The following APBB2 variants were observed in gnomAD, a reference collection of about 807,000 sequenced individuals.
The protein encoded by APBB2 is Fe65-like 1.
In APBB2, 38 loss-of-function variants were observed where a neutral mutation model predicts 82.5. The ratio of observed to expected loss-of-function variants is 0.46; its 90% CI spans 0.36 to 0.60. The LOEUF is 0.60. APBB2 is among the 20% of genes least tolerant of loss of function. The pLI is 0.00. For synonymous variants in APBB2, 341 were observed against 368.2 expected, an observed-to-expected ratio of 0.93 and a Z score of 0.85; for missense variants, 772 against 972.3, an observed-to-expected ratio of 0.79 and a Z score of 2.74.
intron 1 of APBB2, among the ~76,000 whole-genome samples, chr4:41,195,051 T>G: frequency 6.6e-6 from 1 of 152,060 alleles, no homozygotes; most frequent in South Asian, 2.1e-4. Flanking sequence ...TCAAGCCCCC[T>G]TTGCTAGCTC....
chr4:41,161,250 C>T (rs530475710), intron 1 of APBB2, among the ~76,000 whole-genome samples: 9 of 148,562 alleles, frequency 6.1e-5, no homozygotes, highest in African/African-American at 2.2e-4. Flanking sequence ...GAAACCATGA[C>T]TTTCATAGAC....
At chr4:41,181,970 A>G (rs1184617591) in intron 1 of APBB2, among the ~76,000 whole-genome samples, 1 of 151,958 alleles carries the variant, frequency 6.6e-6, no homozygotes, top group Admixed American at 6.6e-5. Flanking sequence ...AAGAAAAAGA[A>G]AAAAGAAAGG....
intron 1 of APBB2, among the ~76,000 whole-genome samples, chr4:41,148,486 T>C (rs912620288): frequency 3.3e-5 from 5 of 152,196 alleles, no homozygotes; most frequent in Admixed American, 6.5e-5. Context: ...AAGCACTATA[T>C]TCATCCAACA....
chr4:41,089,391 A>G (rs1306961120), intron 3 of APBB2, among the ~76,000 whole-genome samples: 2 of 152,202 alleles, frequency 1.3e-5, no homozygotes, highest in Non-Finnish European at 2.9e-5. Flanking sequence ...TAGCACTCAA[A>G]AAGTGTCAGA....
At chr4:41,124,861 C>A (rs1188826348) in intron 2 of APBB2, among the ~76,000 whole-genome samples, 1 of 152,156 alleles carries the variant, frequency 6.6e-6, no homozygotes, top group Non-Finnish European at 1.5e-5. Flanking sequence ...ACCTAAGTAC[C>A]TTCAATCTGC....
In APBB2 at chr4:40,813,642, C is replaced by T. The variant is rs1744889056; in HGVS notation, c.*2450G>A. 1.3e-5 allele frequency: 2 copies of T among 152,162 alleles called. No homozygotes were observed. Among genetic ancestry groups the T allele is most frequent in the African/African-American group, 2.4e-5 (1 of 41,436 alleles). 9.4% of individuals were successfully genotyped at this position (152,162 alleles called of 1,614,324 possible). A position where few individuals can be genotyped will look rare whatever the true frequency, so the allele number is the denominator to read the frequency against. On this transcript the variant is annotated 3_prime_UTR_variant, in exon 18 of 18. Coordinates refer to ENST00000508593, the MANE Select transcript of APBB2 (RefSeq NM_004307.2). ...AAGGCTATCATTCATCTTAATGCAT[C>T]CTATAATTGCACATATAAATCAGTT...
In APBB2 at chr4:41,066,692, G is replaced by A. The variant is rs148624747; in HGVS notation, c.-148-1019C>T. 2.2e-4 allele frequency among the ~76,000 whole-genome samples: 33 copies of A among 152,336 alleles called. No individual in the cohort carries two copies. In the East Asian group the frequency reaches 5.8e-3, roughly 27 times the overall value. On this transcript the variant is annotated intron_variant, in intron 3 of 17. Coordinates refer to ENST00000508593, the MANE Select transcript of APBB2 (RefSeq NM_004307.2). ...ATGGAAAAGGGAAAGGTAAGAAACC[G>A]CATGGTATAGTCCAGAGTTGCTGGC...
chr4:40,963,232 TTTTC>T (rs1793750227), intron 6 of APBB2, among the ~76,000 whole-genome samples: 1 of 152,110 alleles, frequency 6.6e-6, no homozygotes, highest in African/African-American at 2.4e-5. Flanking sequence ...TTCCATTACT[TTTTC>T]TTTTTTTCTT....
intron 2 of APBB2, among the ~76,000 whole-genome samples, chr4:41,106,962 G>C (rs1282511243): frequency 6.6e-6 from 1 of 152,028 alleles, no homozygotes; most frequent in Admixed American, 6.6e-5. Context: ...GACATAGGAG[G>C]AGAAGCTTTA....
At chr4:41,191,404 C>T (rs1774403364) in intron 1 of APBB2, among the ~76,000 whole-genome samples, 1 of 152,186 alleles carries the variant, frequency 6.6e-6, no homozygotes, top group Admixed American at 6.5e-5. Context: ...TATTTCTACG[C>T]ATTCATTTAT....
chr4:40,992,173 TTTG>T (rs5857765), intron 6 of APBB2, among the ~76,000 whole-genome samples: 63,785 of 151,592 alleles, frequency 0.42, 13,860 homozygotes, highest in East Asian at 0.66. Flanking sequence ...GCCTTTTTTG[TTTG>T]TTGCTTGTTT....
At position 40,813,257 on chromosome 4, in the gene APBB2, A is replaced by C. The variant is rs1352761044; in HGVS notation, c.*2835T>G. Reference sequence around the variant, plus strand: ...AGATAATATCCAGGAAAGATAATACATTAACACAATAATGCAGTATATTTC... The same window carrying C: ...AGATAATATCCAGGAAAGATAATACCTTAACACAATAATGCAGTATATTTC... On this transcript the variant is annotated 3_prime_UTR_variant, in exon 18 of 18. Coordinates refer to ENST00000508593, the MANE Select transcript of APBB2 (RefSeq NM_004307.2). 1 of 152,386 alleles carries C rather than the reference A, an allele frequency of 6.6e-6. No homozygotes were observed. The highest frequency in any genetic ancestry group is 2.1e-4 in the South Asian group (1 of 4,834). The allele number at this position is 152,386 out of a possible 1,614,324, so 9.4% of individuals were successfully genotyped here.
At chr4:41,140,741 T>G (rs893919814) in intron 2 of APBB2, among the ~76,000 whole-genome samples, 1 of 152,194 alleles carries the variant, frequency 6.6e-6, no homozygotes, top group African/African-American at 2.4e-5. Context: ...GACAGATCAG[T>G]GGCAGCATTA....
intron 3 of APBB2, among the ~76,000 whole-genome samples, chr4:41,080,059 T>C (rs1190409337): frequency 6.6e-6 from 1 of 152,210 alleles, no homozygotes; most frequent in Non-Finnish European, 1.5e-5. Flanking sequence ...ATTTTCTTTG[T>C]CTTTCCACTG....
chr4:41,025,064 A>T (rs1425666981), intron 5 of APBB2, among the ~76,000 whole-genome samples: 1 of 152,168 alleles, frequency 6.6e-6, no homozygotes, highest in East Asian at 1.9e-4. Flanking sequence ...TTCCAGGCCC[A>T]GTTTTTGGAT....
chr4:40,974,865 T>C (rs1384392139), intron 6 of APBB2, among the ~76,000 whole-genome samples: 1 of 152,228 alleles, frequency 6.6e-6, no homozygotes, highest in African/African-American at 2.4e-5. Flanking sequence ...GCATGTGCAT[T>C]GATGCTCATT....
At chr4:40,839,163 G>A (rs1360099235) in intron 12 of APBB2, among the ~76,000 whole-genome samples, 7 of 151,530 alleles carry the variant, frequency 4.6e-5, no homozygotes, top group African/African-American at 1.5e-4. Context: ...TTGTAGCCTC[G>A]ACCTCCTAGA....
intron 1 of APBB2, among the ~76,000 whole-genome samples, chr4:41,160,696 A>G (rs1295561140): frequency 6.6e-6 from 1 of 152,166 alleles, no homozygotes. Context: ...CATTGCAATG[A>G]GCTCTCCAAT....
In APBB2 at chr4:41,133,490, G is replaced by A. The variant is rs10034688; in HGVS notation, c.-261+9497C>T. 3.6e-3 allele frequency among the ~76,000 whole-genome samples: 544 copies of A among 152,296 alleles called. 4 individuals are homozygous for A. Among genetic ancestry groups the A allele is most frequent in the African/African-American group, 0.012 (509 of 41,548 alleles). ...AGCTCTTCTAGACAACACAGACTCC[G>A]TGAATCAAACCAGAAATGTCTCTAA... is the stretch of plus-strand genomic sequence containing the variant. On this transcript the variant is annotated intron_variant, in intron 2 of 17. Coordinates refer to ENST00000508593, the MANE Select transcript of APBB2 (RefSeq NM_004307.2).
Sources: allele counts gnomAD v4.1 joint callset (sites outside exome capture counted in the v4.1 genomes callset), GRCh38; gene constraint gnomAD v4.1.1; transcripts MANE v1.5; gene names NCBI Gene and HGNC (gene_info 2026-07-23, HGNC 2026-07-21).